GKAP1: variants seen among roughly 807,000 people sequenced by gnomAD.
The protein encoded by GKAP1 is G kinase-anchoring protein 1.
GKAP1 carries 31 observed loss-of-function variants against 56.7 expected under a neutral mutation model. The observed-to-expected ratio is 0.55, with a 90% CI of 0.41 to 0.74. The LOEUF (loss-of-function observed/expected upper bound fraction) is 0.74, where lower values mean the gene tolerates loss of function less well. Ranked by LOEUF, GKAP1 falls within the 30% of genes least tolerant of loss-of-function variation. GKAP1 has a pLI of 0.00. For synonymous variants in GKAP1, 151 were observed against 138.6 expected (o/e 1.09, Z -0.63); for missense variants, 364 against 402.3 (o/e 0.90, Z 0.82).
At chr9:83,804,346 T>G (rs1174498549) in intron 3 of GKAP1, among the ~76,000 whole-genome samples, 8 of 82,444 alleles carry the variant, frequency 9.7e-5, no homozygotes, top group African/African-American at 9.7e-5. Flanking sequence ...GGGAGGGAGG[T>G]GGGGGGGTCA....
intron 8 of GKAP1, among the ~76,000 whole-genome samples, chr9:83,757,574 CTG>C (rs1452073446): frequency 6.6e-6 from 1 of 152,088 alleles, no homozygotes; most frequent in Non-Finnish European, 1.5e-5. Flanking sequence ...GTCAAGGACA[CTG>C]TACTTAATTC....
chr9:83,773,863 C>T (rs1943804955), intron 7 of GKAP1, among the ~76,000 whole-genome samples: 1 of 152,080 alleles, frequency 6.6e-6, no homozygotes, highest in Non-Finnish European at 1.5e-5. Flanking sequence ...TATGATAGTT[C>T]ATCTCGAAAT....
intron 5 of GKAP1, among the ~76,000 whole-genome samples, chr9:83,788,192 C>T (rs1393514513): frequency 3.3e-5 from 5 of 152,144 alleles, no homozygotes; most frequent in Non-Finnish European, 5.9e-5. Flanking sequence ...GCGTGAGAAT[C>T]GCTTGAACCT....
At chr9:83,761,126 T>TAAAAATTA (rs930472249) in intron 8 of GKAP1, among the ~76,000 whole-genome samples, 15 of 149,748 alleles carry the variant, frequency 1.0e-4, no homozygotes, top group African/African-American at 3.7e-4. Context: ...AAAAAAAACC[T>TAAAAATTA]AAAAATTAAA....
At chr9:83,801,287 T>C (rs1007460438) in intron 3 of GKAP1, among the ~76,000 whole-genome samples, 8 of 152,066 alleles carry the variant, frequency 5.3e-5, no homozygotes, top group African/African-American at 1.7e-4. Flanking sequence ...AAGATTCTAC[T>C]CAGAGTCTCA....
chr9:83,799,455 A>G lies in GKAP1; in HGVS notation c.217-127T>C, dbSNP rs1029169361. On this transcript the variant is annotated intron_variant, in intron 3 of 12. Transcript: ENST00000376371. ...CTGAAACCACTCGTTTTGCTAACTC[A>G]CACAGCTAAAGTTATTATTTGTGTT... 6.3e-5 allele frequency: 40 copies of G among 633,516 alleles called. No individual in the cohort carries two copies. In the East Asian group the frequency reaches 1.2e-3, roughly 19 times the overall value. The allele number at this position is 633,516 out of a possible 1,614,324, so 39.2% of individuals were successfully genotyped here.
At chr9:83,768,525 G>T (rs1299155993) in intron 8 of GKAP1, among the ~76,000 whole-genome samples, 3 of 152,086 alleles carry the variant, frequency 2.0e-5, no homozygotes, top group Non-Finnish European at 4.4e-5. Flanking sequence ...GAGTGTCTAA[G>T]GGAAGAAAGG....
chr9:83,810,646 G>A (rs922435037), intron 2 of GKAP1, among the ~76,000 whole-genome samples: 1 of 152,204 alleles, frequency 6.6e-6, no homozygotes, highest in African/African-American at 2.4e-5. Context: ...CTGACCTGGA[G>A]CCAGAATGCC....
intron 4 of GKAP1, among the ~76,000 whole-genome samples, chr9:83,795,926 G>A (rs994658008): frequency 1.3e-5 from 2 of 151,972 alleles, no homozygotes; most frequent in African/African-American, 4.8e-5. Context: ...TAACATTTTG[G>A]TTCTGGTGAT....
intron 6 of GKAP1, among the ~76,000 whole-genome samples, chr9:83,781,697 C>T (rs1943974641): frequency 6.6e-6 from 1 of 152,164 alleles, no homozygotes; most frequent in African/African-American, 2.4e-5. Flanking sequence ...TTAATCATGA[C>T]TTGCAAAAGC....
chr9:83,761,470 C>T (rs1317643123), intron 8 of GKAP1, among the ~76,000 whole-genome samples: 1 of 152,104 alleles, frequency 6.6e-6, no homozygotes, highest in Non-Finnish European at 1.5e-5. Context: ...GGCTTCACTG[C>T]TGAATTCTAC....
At chr9:83,785,683 T>C (rs1329993731) in intron 5 of GKAP1, among the ~76,000 whole-genome samples, 2 of 152,236 alleles carry the variant, frequency 1.3e-5, no homozygotes, top group African/African-American at 4.8e-5. Context: ...CTGTTCTTTG[T>C]ACATTCTGTC....
At chr9:83,814,863 T>C (rs187697692) in intron 2 of GKAP1, among the ~76,000 whole-genome samples, 42 of 152,346 alleles carry the variant, frequency 2.8e-4, no homozygotes, top group African/African-American at 8.9e-4. Context: ...CTAGGAAGCA[T>C]ATCTGGTTTT....
intron 10 of GKAP1, among the ~76,000 whole-genome samples, chr9:83,747,778 A>G (rs1317576940): frequency 1.3e-5 from 2 of 152,140 alleles, no homozygotes; most frequent in Non-Finnish European, 2.9e-5. Context: ...CTGGGATTAC[A>G]GGTGTGCACT....
intron 10 of GKAP1, among the ~76,000 whole-genome samples, chr9:83,746,907 A>C (rs1357150461): frequency 6.6e-6 from 1 of 152,198 alleles, no homozygotes; most frequent in Non-Finnish European, 1.5e-5. Flanking sequence ...ATGGATATGG[A>C]GGGCTGACTA....
intron 3 of GKAP1, among the ~76,000 whole-genome samples, chr9:83,804,784 C>T (rs1427373126): frequency 2.0e-5 from 3 of 147,508 alleles, no homozygotes; most frequent in African/African-American, 7.6e-5. Context: ...TCTGCCCGGC[C>T]GCCCCTACTG....
At chr9:83,778,278 C>A (rs1943895593) in intron 7 of GKAP1, among the ~76,000 whole-genome samples, 1 of 152,014 alleles carries the variant, frequency 6.6e-6, no homozygotes, top group African/African-American at 2.4e-5. Context: ...TTCACAATAG[C>A]AGACATAGAA....
chr9:83,804,639 C>A (rs1445473247), intron 3 of GKAP1, among the ~76,000 whole-genome samples: 14 of 141,440 alleles, frequency 9.9e-5, no homozygotes, highest in Non-Finnish European at 2.2e-4. Flanking sequence ...GTCAGCCCCC[C>A]GCCTGGCCAG....
chr9:83,797,602 TAC>T (rs1944268244), intron 4 of GKAP1, among the ~76,000 whole-genome samples: 1 of 152,182 alleles, frequency 6.6e-6, no homozygotes, highest in Admixed American at 6.5e-5. Context: ...ATCAGTAGTA[TAC>T]TCAGCAGAAA....
Sources: allele counts gnomAD v4.1 joint callset (sites outside exome capture counted in the v4.1 genomes callset), GRCh38; gene constraint gnomAD v4.1.1; transcripts MANE v1.5; gene names NCBI Gene and HGNC (gene_info 2026-07-23, HGNC 2026-07-21).